Variants in NWD1 observed in about 807,000 individuals in gnomAD.
The protein encoded by NWD1 is NACHT domain- and WD repeat-containing protein 1.
In NWD1, 129 loss-of-function variants were observed where a neutral mutation model predicts 135.1. That is an observed-to-expected ratio of 0.96 (90% CI 0.83 to 1.11). NWD1 has a LOEUF of 1.11. NWD1 is among the 50% of genes least tolerant of loss of function. The pLI, the probability that NWD1 is intolerant of heterozygous loss-of-function variation, is 0.00. For missense variants in NWD1, 1,740 were observed against 1,851.3 expected (o/e 0.94, Z 1.10); for synonymous variants, 773 against 786.0 (o/e 0.98, Z 0.28).
chr19:16,816,169 G>A lies in NWD1; in HGVS notation c.*1130G>A, dbSNP rs1174486241. 1 of 152,226 alleles carries A rather than the reference G, an allele frequency of 6.6e-6. No homozygotes were observed. Among genetic ancestry groups the A allele is most frequent in the East Asian group, 1.9e-4 (1 of 5,196 alleles). 9.4% of individuals were successfully genotyped at this position (152,226 alleles called of 1,614,324 possible). A position where few individuals can be genotyped will look rare whatever the true frequency, so the allele number is the denominator to read the frequency against. On this transcript the variant is annotated 3_prime_UTR_variant, in exon 19 of 19. Coordinates refer to ENST00000524140, the MANE Select transcript of NWD1 (RefSeq NM_001007525.5). ...AGGGAGAGACAGAGACTGGACATGTGGAAGGCAGAGATTGTGTCTAGGGTG... is the reference window on the plus strand; with the variant it reads ...AGGGAGAGACAGAGACTGGACATGTAGAAGGCAGAGATTGTGTCTAGGGTG...
intron 4 of NWD1, among the ~76,000 whole-genome samples, chr19:16,741,026 C>T (rs772206832): frequency 4.3e-4 from 66 of 152,166 alleles, no homozygotes; most frequent in Admixed American, 1.4e-3. Context: ...CAGCTGTGGT[C>T]GTGGGTGCCT....
Position 16,789,059 on chromosome 19 carries a change from T to G in NWD1, c.2809T>G (p.Trp937Gly), listed in dbSNP as rs1381034011. Residue 937 changes from tryptophan to glycine, a missense_variant, in exon 13 of 19, where the codon TGG becomes GGG. Physicochemically the swap from Trp to Gly is radical, Grantham distance 184 (BLOSUM62 -2). Transcript: ENST00000524140. ...TTCAAAGGATTACACGCTGCACTTG[T>G]GGAACTTACTCTCTGGCCAGGAGAA... The part of the protein sequence containing the change: ...SASKDYTLHL[W>G]NLLSGQEKFT... The G allele has an allele frequency of 1.2e-6, 2 of 1,613,404 alleles. No homozygotes were observed. The highest frequency in any genetic ancestry group is 1.7e-6 in the Non-Finnish European group (2 of 1,179,818).
chr19:16,733,504 G>T (rs1967664743), intron 3 of NWD1, among the ~76,000 whole-genome samples: 1 of 128,026 alleles, frequency 7.8e-6, no homozygotes, highest in Non-Finnish European at 1.6e-5. Flanking sequence ...CTAGGCAACA[G>T]AATGAGATTC....
intron 15 of NWD1, among the ~76,000 whole-genome samples, chr19:16,796,896 T>C (rs1445178840): frequency 6.6e-6 from 1 of 152,112 alleles, no homozygotes; most frequent in Non-Finnish European, 1.5e-5. Flanking sequence ...GAGTGATTAC[T>C]GGCTGGGTAC....
chr19:16,778,172 A>G (rs903738668), intron 11 of NWD1, among the ~76,000 whole-genome samples: 4 of 152,252 alleles, frequency 2.6e-5, no homozygotes, highest in Non-Finnish European at 5.9e-5. Context: ...CACATGTGGA[A>G]GAGGCACACA....
intron 2 of NWD1, among the ~76,000 whole-genome samples, chr19:16,730,710 T>C (rs1967523117): frequency 6.6e-6 from 1 of 151,970 alleles, no homozygotes. Flanking sequence ...GAGTGAGACC[T>C]GTCCCTTAAA....
chr19:16,729,741 C>T (rs554826744), intron 2 of NWD1, among the ~76,000 whole-genome samples: 7 of 151,768 alleles, frequency 4.6e-5, no homozygotes, highest in South Asian at 4.2e-4. Context: ...TGGTGGTGTG[C>T]GCCTGTAATC....
intron 9 of NWD1, among the ~76,000 whole-genome samples, chr19:16,764,761 C>G (rs538980975): frequency 3.2e-4 from 48 of 152,262 alleles, no homozygotes; most frequent in Middle Eastern, 3.4e-3. Context: ...ATTCTGCCCC[C>G]CCAGGGGACA....
chr19:16,745,011 T>C (rs542614199), intron 5 of NWD1: 2 of 586,200 alleles, frequency 3.4e-6, no homozygotes, highest in East Asian at 3.8e-5. Context: ...ATGCCACTAA[T>C]AAAGGCATAC....
chr19:16,762,739 C>T (rs781396239), intron 8 of NWD1, among the ~76,000 whole-genome samples: 7 of 152,038 alleles, frequency 4.6e-5, no homozygotes, highest in Non-Finnish European at 1.0e-4. Context: ...CAGGACCAGG[C>T]TCTATTCTTT....
In NWD1 at chr19:16,807,861, G is replaced by A. The variant is rs758211491; in HGVS notation, c.4012G>A (p.Gly1338Arg). 1 of 1,614,202 alleles carries A rather than the reference G, an allele frequency of 6.2e-7. No homozygotes were observed. The highest frequency in any genetic ancestry group is 8.5e-7 in the Non-Finnish European group (1 of 1,180,046). ...CGGGGACCCCTGCCCGGTCATCGAT[G>A]GGCCAAGATACACCTTTTACACTCA... is the stretch of plus-strand genomic sequence containing the variant. ...TSGDPCPVIDGPRYTFYTQLP... is the reference protein window; with the variant it reads ...TSGDPCPVIDRPRYTFYTQLP... Residue 1338 changes from glycine to arginine, a missense_variant, in exon 18 of 19, where the codon GGG (glycine) becomes AGG (arginine). By Grantham distance (125) the Gly-to-Arg change is moderately radical. Coordinates refer to ENST00000524140, the MANE Select transcript of NWD1 (RefSeq NM_001007525.5).
chr19:16,809,521 GC>G lies in NWD1; in HGVS notation c.4287+1386del. On this transcript the variant is annotated intron_variant, in intron 18 of 18. Transcript: ENST00000524140. The stretch of plus-strand genomic sequence containing the variant: ...CTTCACTCTCTTCACCCTAATCCTG[GC>G]TCTGTGCTATTTCTTTTTTTTTTTC... Among the ~76,000 whole-genome samples the G allele has an allele frequency of 2.7e-5, 4 of 150,406 alleles. No individual in the cohort carries two copies. In the South Asian group the frequency reaches 8.5e-4, roughly 32 times the overall value.
intron 6 of NWD1, 117 bp downstream of exon 6, chr19:16,750,528 C>A: frequency 1.3e-6 from 1 of 757,914 alleles, no homozygotes; most frequent in Non-Finnish European, 2.0e-6. Flanking sequence ...GATCATAGCT[C>A]ACTGCAGTCT....
chr19:16,722,122 AC>A (rs1189294701), intron 1 of NWD1, among the ~76,000 whole-genome samples: 3 of 151,098 alleles, frequency 2.0e-5, no homozygotes, highest in African/African-American at 7.3e-5. Flanking sequence ...CTTGAAAAAA[AC>A]AACAACAACA....
At chr19:16,767,608 T>C (rs1181088069) in intron 10 of NWD1, among the ~76,000 whole-genome samples, 2 of 152,042 alleles carry the variant, frequency 1.3e-5, no homozygotes, top group Non-Finnish European at 2.9e-5. Context: ...AGTGAGACTG[T>C]GTCTCCAATA....
chr19:16,761,098 C>T (rs1968994204), intron 7 of NWD1, among the ~76,000 whole-genome samples: 1 of 152,166 alleles, frequency 6.6e-6, no homozygotes, highest in African/African-American at 2.4e-5. Flanking sequence ...CATTTCAGAT[C>T]AACGAAATCT....
At chr19:16,755,292 C>T (rs143589588) in intron 6 of NWD1, among the ~76,000 whole-genome samples, 252 of 152,220 alleles carry the variant, frequency 1.7e-3, no homozygotes, top group African/African-American at 5.6e-3. Context: ...CACAGCTCGC[C>T]GCAGTCTTGA....
Position 16,750,217 on chromosome 19 carries a change from C to A in NWD1, c.1575C>A (p.Ala525=). 6.2e-7 allele frequency: 1 copy of A among 1,613,228 alleles called. No individual in the cohort carries two copies. Among genetic ancestry groups the A allele is most frequent in the Non-Finnish European group, 8.5e-7 (1 of 1,179,690 alleles). The change falls in exon 6 of 19, where the codon GCC becomes GCA. Residue 525 remains alanine, a synonymous_variant. Transcript: ENST00000524140. The part of the protein sequence containing the change: ...LSPVHTDLLW[A]SLPECGNPGR... ...CGGTGCACACAGATTTGCTCTGGGC[C>A]AGCCTCCCAGAGTGTGGGAACCCAG...
intron 11 of NWD1, among the ~76,000 whole-genome samples, chr19:16,775,870 G>A (rs1012478878): frequency 2.6e-5 from 4 of 152,084 alleles, no homozygotes; most frequent in African/African-American, 9.7e-5. Context: ...GTTTCACCAT[G>A]TTGGCCAGGC....
Sources: allele counts gnomAD v4.1 joint callset (sites outside exome capture counted in the v4.1 genomes callset), GRCh38; gene constraint gnomAD v4.1.1; transcripts MANE v1.5; gene names NCBI Gene and HGNC (gene_info 2026-07-23, HGNC 2026-07-21).